The following CYFIP1 variants were observed in gnomAD, a reference collection of about 807,000 sequenced individuals.
CYFIP1 encodes the protein cytoplasmic FMR1 interacting protein 1.
In CYFIP1, 58 loss-of-function variants were observed where a neutral mutation model predicts 163.5. That is an observed-to-expected ratio of 0.35 (90% CI 0.29 to 0.44). CYFIP1 has a LOEUF of 0.44. Ranked by LOEUF, CYFIP1 falls within the 20% of genes least tolerant of loss-of-function variation. CYFIP1 has a pLI of 1.00. For synonymous variants in CYFIP1, 663 were observed against 660.7 expected (o/e 1.00, Z -0.05); for missense variants, 1,338 against 1,653.8 (o/e 0.81, Z 3.31).
chr15:22,870,055 G>A lies in CYFIP1; in HGVS notation c.3735C>T (p.Pro1245=). 3 of 1,608,208 alleles carry A rather than the reference G, an allele frequency of 1.9e-6. No individual in the cohort carries two copies. The highest frequency in any genetic ancestry group is 2.5e-6 in the Non-Finnish European group (3 of 1,178,188). The part of the protein sequence containing the change: ...PVEHVRCFQP[P]IHQSLASS ...AGCTGCTGGCGAGGGACTGGTGGAT[G>A]GGCGGCTGGAAGCAGCGCACATGCT... is the stretch of plus-strand genomic sequence containing the variant. Residue 1245 remains proline, a synonymous_variant, in exon 31 of 31, where the codon CCC becomes CCT. Coordinates refer to ENST00000617928, the MANE Select transcript of CYFIP1 (RefSeq NM_014608.6).
In CYFIP1 at chr15:22,917,399, A is replaced by C; in HGVS notation, c.1674+389T>G. 1 of 814,230 alleles carries C rather than the reference A, an allele frequency of 1.2e-6. No homozygotes were observed. The highest frequency in any genetic ancestry group is 1.7e-6 in the Non-Finnish European group (1 of 595,826). 50.4% of individuals were successfully genotyped at this position (814,230 alleles called of 1,614,324 possible). A position where few individuals can be genotyped will look rare whatever the true frequency, so the allele number is the denominator to read the frequency against. On this transcript the variant is annotated intron_variant, in intron 15 of 30. Transcript: ENST00000617928. The surrounding 1 kb of genome is among the most constrained non-coding windows in gnomAD (Gnocchi z 4.2). Reference sequence around the variant, plus strand: ...GGCAGCTTAGGACCATGACACACGCAAGCAGCACCTCACAGTTTCCCACGC... The same window carrying C: ...GGCAGCTTAGGACCATGACACACGCCAGCAGCACCTCACAGTTTCCCACGC...
intron 22 of CYFIP1, among the ~76,000 whole-genome samples, chr15:22,902,196 A>G (rs2060414919): frequency 1.3e-5 from 2 of 152,220 alleles, no homozygotes; most frequent in South Asian, 4.1e-4. Flanking sequence ...TGCCGCCCAC[A>G]GTGGGGACGA....
chr15:22,872,575 C>T, intron 30 of CYFIP1: 1 of 448,452 alleles, frequency 2.2e-6, no homozygotes, highest in South Asian at 2.4e-5. Flanking sequence ...TCTGACAATG[C>T]AGATCCTGTA....
chr15:22,920,083 TA>T (rs971348475), intron 13 of CYFIP1, among the ~76,000 whole-genome samples: 3 of 124,856 alleles, frequency 2.4e-5, no homozygotes, highest in African/African-American at 3.0e-5. Context: ...TCCACAGTAA[TA>T]AAAAAAAACA....
At position 22,877,858 on chromosome 15, in the gene CYFIP1, C is replaced by CT. The variant is rs547018059; in HGVS notation, c.3042+2054dup. Among the ~76,000 whole-genome samples, 13 of 152,364 alleles carry CT rather than the reference C, an allele frequency of 8.5e-5. No individual in the cohort carries two copies. In the South Asian group the frequency reaches 2.7e-3, roughly 32 times the overall value. On this transcript the variant is annotated intron_variant, in intron 26 of 30. Coordinates refer to ENST00000617928, the MANE Select transcript of CYFIP1 (RefSeq NM_014608.6). ...GCCGAAGATGCAGGTCTGATGGAGG[C>CT]TGTCAGCTCCCAGGCGTGTCACGCC...
At chr15:22,911,746 G>C (rs2060794645) in intron 18 of CYFIP1, among the ~76,000 whole-genome samples, 2 of 152,258 alleles carry the variant, frequency 1.3e-5, no homozygotes, top group South Asian at 4.1e-4. Context: ...ATGATGTGTA[G>C]AATAAGGTTC....
chr15:22,919,228 C>T (rs947036777), intron 13 of CYFIP1, among the ~76,000 whole-genome samples: 3 of 152,144 alleles, frequency 2.0e-5, no homozygotes, highest in Non-Finnish European at 4.4e-5. Context: ...GTCCAAATCC[C>T]ATATTGTTCA....
rs1555424263 is a variant in CYFIP1, at chr15:22,964,353, T to TCACTCA, written c.-7+15933_-7+15934insTGAGTG. Among the ~76,000 whole-genome samples the TCACTCA allele has an allele frequency of 1.5e-4, 12 of 78,752 alleles. No homozygotes were observed. The East Asian group carries it at 3.1e-3, about 20-fold the overall frequency. 51.7% of individuals were successfully genotyped at this position (78,752 alleles called of 152,430 possible). A position where few individuals can be genotyped will look rare whatever the true frequency, so the allele number is the denominator to read the frequency against. On this transcript the variant is annotated intron_variant, in intron 1 of 30. Coordinates refer to ENST00000617928, the MANE Select transcript of CYFIP1 (RefSeq NM_014608.6). Reference sequence around the variant, plus strand: ...CCAGCAGACTCCGCAACCTCATCACTCACACACACACACACACACACACAC... The same window carrying TCACTCA: ...CCAGCAGACTCCGCAACCTCATCACTCACTCACACACACACACACACACACACACAC...
intron 24 of CYFIP1, among the ~76,000 whole-genome samples, chr15:22,882,630 C>T (rs926933161): frequency 6.6e-6 from 1 of 152,068 alleles, no homozygotes; most frequent in East Asian, 1.9e-4. Flanking sequence ...CATAGCAAGA[C>T]CCCCTCTCTA....
chr15:22,928,555 G>A (rs1455033749), intron 11 of CYFIP1, among the ~76,000 whole-genome samples: 9 of 152,168 alleles, frequency 5.9e-5, no homozygotes, highest in East Asian at 1.9e-4. Flanking sequence ...CTGGGGGACC[G>A]CGGGCTGGGC....
At position 22,926,123 on chromosome 15, in the gene CYFIP1, G is replaced by A. The variant is rs1406838946; in HGVS notation, c.1234-16C>T. ...TCCAGGAATACTGTGGTGGCCGAAA[G>A]AGCAGAGGTGTTCCATATTGCATGC... On this transcript the variant is annotated splice_polypyrimidine_tract_variant and intron_variant, in intron 12 of 30. Coordinates refer to ENST00000617928, the MANE Select transcript of CYFIP1 (RefSeq NM_014608.6). 2 of 1,613,960 alleles carry A rather than the reference G, an allele frequency of 1.2e-6. No homozygotes were observed. The highest frequency in any genetic ancestry group is 1.7e-6 in the Non-Finnish European group (2 of 1,179,986).
intron 25 of CYFIP1, 23 bp from the exon 26 acceptor site, chr15:22,880,066 G>C: frequency 6.2e-7 from 1 of 1,613,044 alleles, no homozygotes. Context: ...GAGTGAGGTG[G>C]GGTTGGGGGA....
intron 3 of CYFIP1, among the ~76,000 whole-genome samples, chr15:22,945,311 A>C (rs931474522): frequency 2.6e-5 from 4 of 152,178 alleles, no homozygotes; most frequent in Non-Finnish European, 4.4e-5. Flanking sequence ...CACACACAGG[A>C]TCCCCATGGC....
chr15:22,956,763 G>A (rs1296590569), intron 1 of CYFIP1, among the ~76,000 whole-genome samples: 5 of 152,158 alleles, frequency 3.3e-5, no homozygotes, highest in South Asian at 4.1e-4. Context: ...CACTCTGGCC[G>A]GGCCCAGGCT....
intron 23 of CYFIP1, among the ~76,000 whole-genome samples, chr15:22,885,605 C>G (rs1035146717): frequency 3.9e-5 from 6 of 152,138 alleles, no homozygotes; most frequent in Admixed American, 3.9e-4. Flanking sequence ...TGGTGGTGGG[C>G]ACCTGTAATC....
chr15:22,908,638 C>T (rs1328089833), intron 21 of CYFIP1, among the ~76,000 whole-genome samples: 1 of 146,074 alleles, frequency 6.8e-6, no homozygotes, highest in Non-Finnish European at 1.5e-5. Flanking sequence ...AAGCGATTCT[C>T]CTGCCTCAGC....
chr15:22,870,065 A>G lies in CYFIP1; in HGVS notation c.3725T>C (p.Phe1242Ser), dbSNP rs1595474722. ...EGTPVEHVRC[F>S]QPPIHQSLAS... ...GAGGGACTGGTGGATGGGCGGCTGGAAGCAGCGCACATGCTCCACTGGCGT... is the reference window on the plus strand; with the variant it reads ...GAGGGACTGGTGGATGGGCGGCTGGGAGCAGCGCACATGCTCCACTGGCGT... Residue 1242 changes from phenylalanine (F) to serine (S), a missense_variant, in exon 31 of 31, where the codon TTC (phenylalanine) becomes TCC (serine). Physicochemically the swap from Phe to Ser is radical, Grantham distance 155 (BLOSUM62 -2). Around this residue, in one of 4 missense-constraint regions of CYFIP1, gnomAD observed 306 missense variants for 322.1 expected, o/e 0.95. Transcript: ENST00000617928. 6.2e-7 allele frequency: 1 copy of G among 1,610,720 alleles called. No individual in the cohort carries two copies. Among genetic ancestry groups the G allele is most frequent in the East Asian group, 2.2e-5 (1 of 44,760 alleles).
chr15:22,932,424 A>T, intron 10 of CYFIP1, 84 bp from the exon 11 acceptor site: 1 of 823,252 alleles, frequency 1.2e-6, no homozygotes, highest in South Asian at 2.1e-5. Flanking sequence ...CCTGTTTGGC[A>T]CCAGAGCCAC....
intron 1 of CYFIP1, among the ~76,000 whole-genome samples, chr15:22,969,089 C>A (rs2063003100): frequency 6.6e-6 from 1 of 152,158 alleles, no homozygotes; most frequent in African/African-American, 2.4e-5. Flanking sequence ...GCTATGGAAT[C>A]AGGTTTCAAG....
Sources: gnomAD v4.1 joint callset for allele counts (sites outside exome capture counted in the v4.1 genomes callset) on GRCh38, gnomAD v4.1.1 for gene constraint, gnomAD v4.1.1 regional missense constraint, Gnocchi (gnomAD v3.1) non-coding constraint, MANE v1.5 for transcripts, NCBI Gene and HGNC (gene_info 2026-07-23, HGNC 2026-07-21) for gene names.